Variants in LANCL2 observed in about 807,000 individuals in gnomAD.
The protein encoded by LANCL2 is lanC-like protein 2.
A neutral mutation model predicts 56.9 loss-of-function variants in LANCL2; 33 were observed. That is an observed-to-expected ratio of 0.58 (90% CI 0.44 to 0.78). The LOEUF (loss-of-function observed/expected upper bound fraction) is 0.78, where lower values mean the gene tolerates loss of function less well. Among genes scored for constraint, LANCL2 ranks in the 30% least tolerant of loss-of-function variants. LANCL2 has a pLI of 0.00. For missense variants in LANCL2, 562 were observed against 580.2 expected (o/e 0.97, Z 0.32); for synonymous variants, 233 against 228.2 (o/e 1.02, Z -0.19).
In LANCL2 at chr7:55,425,318, G is replaced by T; in HGVS notation, c.1073G>T (p.Gly358Val). 6.2e-7 allele frequency: 1 copy of T among 1,614,150 alleles called. No individual in the cohort carries two copies. The highest frequency in any genetic ancestry group is 8.5e-7 in the Non-Finnish European group (1 of 1,180,008). The change falls in exon 7 of 9, where the codon GGT becomes GTT. Residue 358 changes from glycine (G) to valine (V), a missense_variant. Gly to Val is a moderately radical substitution (Grantham distance 109, BLOSUM62 -3). This residue lies in a region of LANCL2 where 378 missense variants were observed against 468.4 expected (regional missense o/e 0.81). Coordinates refer to ENST00000254770, the MANE Select transcript of LANCL2 (RefSeq NM_018697.4). ...TGTAGCGATGTGATTTGGCAGCGAGGTTTGCTGCGGAAGGGCTACGGGATA... is the reference window on the plus strand; with the variant it reads ...TGTAGCGATGTGATTTGGCAGCGAGTTTTGCTGCGGAAGGGCTACGGGATA... Reference protein sequence around the residue: ...MECSDVIWQRGLLRKGYGICH... With the variant: ...MECSDVIWQRVLLRKGYGICH...
At chr7:55,378,937 C>G (rs1361685979) in intron 1 of LANCL2, among the ~76,000 whole-genome samples, 1 of 152,158 alleles carries the variant, frequency 6.6e-6, no homozygotes, top group African/African-American at 2.4e-5. Flanking sequence ...TCGAGACCAT[C>G]CTGGCTAACA....
intron 6 of LANCL2, 139 bp downstream of exon 6, chr7:55,412,228 T>A: frequency 1.3e-6 from 1 of 764,342 alleles, no homozygotes; most frequent in Non-Finnish European, 2.0e-6. Context: ...AAATAAAGTC[T>A]CTGTATTTTA....
chr7:55,401,060 T>C, intron 4 of LANCL2, 114 bp from the exon 5 acceptor site: 1 of 699,078 alleles, frequency 1.4e-6, no homozygotes, highest in African/African-American at 1.8e-5. Context: ...ACTTTTAGAT[T>C]AAGGCTTCTG....
At position 55,431,636 on chromosome 7, in the gene LANCL2, G is replaced by T; in HGVS notation, c.*316G>T. ...TGAGGGCTCAGAGCTGACCATGCAT[G>T]AATGTATGGCAGTGTCCACTTTTCT... On this transcript the variant is annotated 3_prime_UTR_variant, in exon 9 of 9. Coordinates refer to ENST00000254770, the MANE Select transcript of LANCL2 (RefSeq NM_018697.4). The T allele has an allele frequency of 3.7e-6, 1 of 271,264 alleles. No individual in the cohort carries two copies. Among genetic ancestry groups the T allele is most frequent in the East Asian group, 7.7e-5 (1 of 13,034 alleles). 16.8% of individuals were successfully genotyped at this position (271,264 alleles called of 1,614,324 possible). A position where few individuals can be genotyped will look rare whatever the true frequency, so the allele number is the denominator to read the frequency against.
At chr7:55,409,228 C>A (rs1456403609) in intron 5 of LANCL2, among the ~76,000 whole-genome samples, 1 of 151,368 alleles carries the variant, frequency 6.6e-6, no homozygotes, top group Non-Finnish European at 1.5e-5. Context: ...GCTGGGACTA[C>A]AGGCACCTGC....
chr7:55,383,601 A>C (rs533859855), intron 1 of LANCL2, among the ~76,000 whole-genome samples: 1 of 152,346 alleles, frequency 6.6e-6, no homozygotes, highest in South Asian at 2.1e-4. Context: ...CTGCTAGAAA[A>C]TAAACATTTC....
intron 5 of LANCL2, among the ~76,000 whole-genome samples, chr7:55,410,064 A>G (rs1458256446): frequency 6.6e-6 from 1 of 152,238 alleles, no homozygotes; most frequent in Non-Finnish European, 1.5e-5. Context: ...ACCTAGAATC[A>G]GTAACTCAGG....
At chr7:55,396,158 G>C (rs1180362651) in intron 2 of LANCL2, among the ~76,000 whole-genome samples, 1 of 152,206 alleles carries the variant, frequency 6.6e-6, no homozygotes, top group Non-Finnish European at 1.5e-5. Flanking sequence ...GGCTCAGTGT[G>C]GGCAAGCCAG....
chr7:55,377,113 A>G (rs1338838814), intron 1 of LANCL2, among the ~76,000 whole-genome samples: 1 of 152,222 alleles, frequency 6.6e-6, no homozygotes, highest in Non-Finnish European at 1.5e-5. Context: ...ATCATCTAAA[A>G]TATTTGTAAA....
chr7:55,389,612 C>T (rs1404487168), intron 1 of LANCL2, among the ~76,000 whole-genome samples: 2 of 152,170 alleles, frequency 1.3e-5, no homozygotes, highest in Non-Finnish European at 2.9e-5. Context: ...GTTTTTGAAT[C>T]AGGAATTTCT....
At chr7:55,408,204 T>C (rs896458017) in intron 5 of LANCL2, among the ~76,000 whole-genome samples, 1 of 151,832 alleles carries the variant, frequency 6.6e-6, no homozygotes, top group Non-Finnish European at 1.5e-5. Context: ...TTCATGAAAA[T>C]GGGAAGCAAA....
intron 1 of LANCL2, among the ~76,000 whole-genome samples, chr7:55,384,469 G>A (rs376797155): frequency 2.3e-4 from 35 of 152,050 alleles, no homozygotes; most frequent in Non-Finnish European, 4.3e-4. Flanking sequence ...GGAGAATGGC[G>A]TGAACCTGGG....
chr7:55,413,427 A>G (rs552926945), intron 6 of LANCL2, among the ~76,000 whole-genome samples: 34 of 152,324 alleles, frequency 2.2e-4, no homozygotes, highest in South Asian at 8.3e-4. Flanking sequence ...CAGCCAACAC[A>G]GCTGGGTGTT....
At chr7:55,367,200 A>C (rs1256111608) in intron 1 of LANCL2, among the ~76,000 whole-genome samples, 1 of 152,248 alleles carries the variant, frequency 6.6e-6, no homozygotes, top group Non-Finnish European at 1.5e-5. Flanking sequence ...GGAATAAAAC[A>C]GAAGATTGAA....
At chr7:55,395,537 G>A (rs1790240656) in intron 2 of LANCL2, among the ~76,000 whole-genome samples, 3 of 152,130 alleles carry the variant, frequency 2.0e-5, no homozygotes, top group Admixed American at 2.0e-4. Context: ...CCGGGGCAGA[G>A]TGTCCTTGTG....
At chr7:55,405,658 C>CT (rs11438623) in intron 5 of LANCL2, among the ~76,000 whole-genome samples, 24,195 of 146,470 alleles carry the variant, frequency 0.17, 1,990 homozygotes, top group Middle Eastern at 0.26. Flanking sequence ...CTGGCCGGAA[C>CT]TTTTTTTTTT....
chr7:55,387,761 G>A (rs575940671), intron 1 of LANCL2, among the ~76,000 whole-genome samples: 6 of 151,972 alleles, frequency 3.9e-5, no homozygotes, highest in Middle Eastern at 3.4e-3. Context: ...TACACAGACC[G>A]TTTATGACAT....
chr7:55,408,438 G>A (rs1790435157), intron 5 of LANCL2, among the ~76,000 whole-genome samples: 1 of 151,960 alleles, frequency 6.6e-6, no homozygotes, highest in African/African-American at 2.4e-5. Context: ...AGGCCGAGGT[G>A]GGCGGATCAC....
chr7:55,430,349 T>C (rs1439079791), intron 8 of LANCL2, among the ~76,000 whole-genome samples: 1 of 152,136 alleles, frequency 6.6e-6, no homozygotes, highest in East Asian at 1.9e-4. Context: ...GCAGGAACCC[T>C]GACGAAGGAG....
Sources: gnomAD v4.1 joint callset for allele counts (sites outside exome capture counted in the v4.1 genomes callset) on GRCh38, gnomAD v4.1.1 for gene constraint, gnomAD v4.1.1 regional missense constraint, MANE v1.5 for transcripts, NCBI Gene and HGNC (gene_info 2026-07-23, HGNC 2026-07-21) for gene names.